The following CTNNA2 variants were observed in gnomAD, a reference collection of about 807,000 sequenced individuals.
CTNNA2 encodes catenin alpha 2.
CTNNA2 carries 42 observed loss-of-function variants against 101.0 expected under a neutral mutation model. The ratio of observed to expected loss-of-function variants is 0.42; its 90% CI spans 0.32 to 0.54. The LOEUF (loss-of-function observed/expected upper bound fraction) is 0.54. CTNNA2 is among the 20% of genes least tolerant of loss of function. The pLI, the probability that CTNNA2 is intolerant of heterozygous loss-of-function variation, is 0.14. For synonymous variants in CTNNA2, 450 were observed against 456.4 expected (o/e 0.99, Z 0.18); for missense variants, 871 against 1,223.1 (o/e 0.71, Z 4.29).
At chr2:79,190,017 G>A (rs1293429987) in intron 1 of CTNNA2, among the ~76,000 whole-genome samples, 2 of 152,100 alleles carry the variant, frequency 1.3e-5, no homozygotes, top group African/African-American at 4.8e-5. Context: ...TCTACCAAAT[G>A]TTTTTAAACT....
intron 3 of CTNNA2, among the ~76,000 whole-genome samples, chr2:79,839,153 T>G (rs1679613366): frequency 6.6e-6 from 1 of 152,062 alleles, no homozygotes; most frequent in African/African-American, 2.4e-5. Context: ...TCTGGAACTG[T>G]CTATTTTACT....
chr2:79,341,168 T>C (rs974952503), intron 3 of CTNNA2, among the ~76,000 whole-genome samples: 1 of 152,168 alleles, frequency 6.6e-6, no homozygotes, highest in Non-Finnish European at 1.5e-5. Flanking sequence ...CAGCTATTTC[T>C]GATCGTGAGC....
chr2:79,394,366 T>A (rs1179131677), intron 4 of CTNNA2, among the ~76,000 whole-genome samples: 2 of 152,148 alleles, frequency 1.3e-5, no homozygotes, highest in Non-Finnish European at 2.9e-5. Context: ...GAATGATAAA[T>A]AAGAGCCTTC....
At chr2:79,610,578 A>T (rs1296469638) in intron 1 of CTNNA2, among the ~76,000 whole-genome samples, 2 of 152,192 alleles carry the variant, frequency 1.3e-5, no homozygotes, top group African/African-American at 2.4e-5. Context: ...CAAGATGATT[A>T]TGCAGAGTGA....
At chr2:80,423,626 A>C (rs1419578701) in intron 9 of CTNNA2, among the ~76,000 whole-genome samples, 1 of 152,182 alleles carries the variant, frequency 6.6e-6, no homozygotes, top group African/African-American at 2.4e-5. Context: ...CAACACATCC[A>C]AAATCCACTG....
At chr2:80,380,200 C>T (rs1676378322) in intron 7 of CTNNA2, among the ~76,000 whole-genome samples, 1 of 151,960 alleles carries the variant, frequency 6.6e-6, no homozygotes, top group Non-Finnish European at 1.5e-5. Flanking sequence ...CCATGCCCGG[C>T]TAATTTTTTG....
At chr2:79,982,527 A>G (rs1691457871) in intron 7 of CTNNA2, among the ~76,000 whole-genome samples, 1 of 150,812 alleles carries the variant, frequency 6.6e-6, no homozygotes, top group South Asian at 2.1e-4. Flanking sequence ...ACATATATAT[A>G]TTTTGTAGAA....
rs75334005 is a variant in CTNNA2 at position 79,443,768 on chromosome 2, A to T, written c.-134-61286A>T. ...GGTAGGCAGTTTCTGACCTGGCTCT[A>T]ATGACTCCCACATCCTGATATTATG... On this transcript the variant is annotated intron_variant, in intron 4 of 21. Coordinates refer to the CTNNA2 transcript ENST00000466387. 1.0e-3 allele frequency among the ~76,000 whole-genome samples: 155 copies of T among 152,248 alleles called. 5 individuals carry two copies. The East Asian group carries it at 0.025, about 25-fold the overall frequency.
At chr2:79,561,644 G>T (rs1344750013) in intron 1 of CTNNA2, among the ~76,000 whole-genome samples, 1 of 151,532 alleles carries the variant, frequency 6.6e-6, no homozygotes, top group Non-Finnish European at 1.5e-5. Flanking sequence ...GTGTGAAGTG[G>T]TATCTTCTTG....
chr2:79,594,929 G>T (rs1468171816), intron 1 of CTNNA2, among the ~76,000 whole-genome samples: 5 of 151,790 alleles, frequency 3.3e-5, no homozygotes, highest in African/African-American at 1.2e-4. Context: ...GCTTTCTCAG[G>T]TCCTTTCTTC....
chr2:80,230,248 T>G (rs1236862811), intron 7 of CTNNA2, among the ~76,000 whole-genome samples: 1 of 136,384 alleles, frequency 7.3e-6, no homozygotes, highest in African/African-American at 3.0e-5. Context: ...CTCTCTCTCT[T>G]TTTTTTTCTT....
intron 7 of CTNNA2, among the ~76,000 whole-genome samples, chr2:80,184,264 T>C (rs1197492729): frequency 1.3e-5 from 2 of 152,288 alleles, no homozygotes; most frequent in East Asian, 3.9e-4. Context: ...CTTATTAATT[T>C]TAGCATGTCA....
intron 7 of CTNNA2, among the ~76,000 whole-genome samples, chr2:80,063,809 T>C (rs1697779469): frequency 6.6e-6 from 1 of 152,236 alleles, no homozygotes; most frequent in Non-Finnish European, 1.5e-5. Context: ...GCTGTTTCCA[T>C]CCCAGGATAA....
Position 79,893,765 on chromosome 2 carries a change from T to G in CTNNA2, c.853-15829T>G, listed in dbSNP as rs969623245. Among the ~76,000 whole-genome samples the G allele has an allele frequency of 8.5e-5, 13 of 152,328 alleles. No homozygotes were observed. In the East Asian group the frequency reaches 2.5e-3, roughly 29 times the overall value. Reference sequence around the variant, plus strand: ...CAACAACCCTAATCCTGCAGTTTGTTCTTTAGAGATATTTTAAGTCAATTA... The same window carrying G: ...CAACAACCCTAATCCTGCAGTTTGTGCTTTAGAGATATTTTAAGTCAATTA... On this transcript the variant is annotated intron_variant, in intron 6 of 18. Coordinates refer to ENST00000402739, the MANE Select transcript of CTNNA2 (RefSeq NM_001282597.3).
At chr2:80,476,137 T>C (rs1289559583) in intron 9 of CTNNA2, among the ~76,000 whole-genome samples, 2 of 152,150 alleles carry the variant, frequency 1.3e-5, no homozygotes, top group African/African-American at 4.8e-5. Flanking sequence ...AGCACCTATG[T>C]CCTTTAATTA....
chr2:79,763,905 G>T (rs1405308904), intron 3 of CTNNA2, among the ~76,000 whole-genome samples: 2 of 152,188 alleles, frequency 1.3e-5, no homozygotes. Context: ...GATATAAGTT[G>T]TATTTAAAAG....
intron 1 of CTNNA2, among the ~76,000 whole-genome samples, chr2:79,190,941 T>C (rs1052810505): frequency 6.6e-6 from 1 of 152,214 alleles, no homozygotes; most frequent in African/African-American, 2.4e-5. Context: ...CCCATAGTCA[T>C]CTATCTCTCC....
At chr2:79,724,046 A>G (rs551747476) in intron 2 of CTNNA2, among the ~76,000 whole-genome samples, 23 of 152,232 alleles carry the variant, frequency 1.5e-4, no homozygotes, top group Non-Finnish European at 2.5e-4. Flanking sequence ...GAATTCCTCA[A>G]CCACCATCTC....
intron 2 of CTNNA2, among the ~76,000 whole-genome samples, chr2:79,715,226 A>C (rs1042696477): frequency 3.0e-4 from 43 of 144,116 alleles, no homozygotes; most frequent in Non-Finnish European, 5.8e-4. Flanking sequence ...AAAAAAAAAA[A>C]AAACCCACAG....
Sources: gnomAD v4.1 joint callset for allele counts (sites outside exome capture counted in the v4.1 genomes callset) on GRCh38, gnomAD v4.1.1 for gene constraint, MANE v1.5 for transcripts, NCBI Gene and HGNC (gene_info 2026-07-23, HGNC 2026-07-21) for gene names.